TARBP1: variants seen among roughly 807,000 people sequenced by gnomAD.
TARBP1 encodes the protein tRNA guanosine 2 -O-methyltransferase TARBP1, also known as tRNA (guanosine(18)-2'-O)-methyltransferase TARBP1.
In TARBP1, 144 loss-of-function variants were observed where a neutral mutation model predicts 178.6. The observed-to-expected ratio is 0.81, with a 90% CI of 0.70 to 0.93. The LOEUF is 0.93. TARBP1 is among the 40% of genes least tolerant of loss of function. TARBP1 has a pLI of 0.00. For synonymous variants in TARBP1, 787 were observed against 781.0 expected (o/e 1.01, Z -0.13); for missense variants, 2,067 against 2,011.7 (o/e 1.03, Z -0.53).
chr1:234,406,356 T>G, intron 23 of TARBP1: 2 of 451,206 alleles, frequency 4.4e-6, no homozygotes, highest in East Asian at 7.3e-5. Flanking sequence ...CCGCCCCCCA[T>G]ACTCTAGTAC....
chr1:234,448,628 AG>A (rs910397599), intron 10 of TARBP1, 49 bp from the exon 11 acceptor site: 15 of 1,456,916 alleles, frequency 1.0e-5, no homozygotes, highest in Non-Finnish European at 1.4e-5. Context: ...AAATCCTTCA[AG>A]GATGATGCTT....
At chr1:234,467,027 C>T (rs1349553458) in intron 4 of TARBP1, among the ~76,000 whole-genome samples, 83 of 152,196 alleles carry the variant, frequency 5.5e-4, no homozygotes, top group Non-Finnish European at 5.9e-5. Context: ...CTCTGCCTCA[C>T]GTAGTTCCTG....
chr1:234,419,245 G>C (rs994300827), intron 21 of TARBP1, among the ~76,000 whole-genome samples: 1 of 151,978 alleles, frequency 6.6e-6, no homozygotes, highest in Non-Finnish European at 1.5e-5. Context: ...TTATTTTAAA[G>C]AAGAAAAATC....
At chr1:234,455,887 A>G (rs1315757380) in intron 9 of TARBP1, among the ~76,000 whole-genome samples, 1 of 152,228 alleles carries the variant, frequency 6.6e-6, no homozygotes, top group Non-Finnish European at 1.5e-5. Flanking sequence ...AAAATGGGGA[A>G]AGGACAATAA....
rs776538378 is a variant in TARBP1, at chr1:234,446,919, A to T, written c.2018T>A (p.Val673Glu). The change falls in exon 12 of 30, where the codon GTG becomes GAG. Residue 673 changes from valine (V) to glutamate (E), a missense_variant. By Grantham distance (121) the Val-to-Glu change is moderately radical. Coordinates refer to ENST00000040877, the MANE Select transcript of TARBP1 (RefSeq NM_005646.4). Reference sequence around the variant, plus strand: ...GGCATTGGTACTAAACTTCATAAGCACATCCAGAAGAGGGTCTAAGAATAT... The same window carrying T: ...GGCATTGGTACTAAACTTCATAAGCTCATCCAGAAGAGGGTCTAAGAATAT... ...LRIFLDPLLDVLMKFSTNAYM... is the reference protein window; with the variant it reads ...LRIFLDPLLDELMKFSTNAYM... 3 of 1,613,964 alleles carry T rather than the reference A, an allele frequency of 1.9e-6. No individual in the cohort carries two copies. The highest frequency in any genetic ancestry group is 2.7e-5 in the African/African-American group (2 of 75,016).
rs199534808 is a variant in TARBP1, at chr1:234,393,807, G to A, written c.4274C>T (p.Ala1425Val). The A allele has an allele frequency of 5.3e-5, 86 of 1,612,806 alleles. 1 individual carries two copies. The East Asian group carries it at 5.3e-4, about 10-fold the overall frequency. Residue 1425 changes from alanine to valine, a missense_variant, in exon 27 of 30, where the codon GCG (alanine) becomes GTG (valine). Coordinates refer to ENST00000040877, the MANE Select transcript of TARBP1 (RefSeq NM_005646.4). ...GTNLVEADNQAEWTDVQKKII... is the reference protein window; with the variant it reads ...GTNLVEADNQVEWTDVQKKII... ...CTTCTTCTGAACGTCGGTCCACTCC[G>A]CTTGGTTATCTGCTTCGACCAAATT...
chr1:234,471,046 G>A, intron 3 of TARBP1, 142 bp downstream of exon 3: 1 of 640,744 alleles, frequency 1.6e-6, no homozygotes, highest in Non-Finnish European at 2.7e-6. Context: ...TTATCTCTTG[G>A]TGGCAGCATT....
intron 20 of TARBP1, among the ~76,000 whole-genome samples, chr1:234,423,907 T>C (rs1415172958): frequency 1.3e-5 from 2 of 152,016 alleles, no homozygotes; most frequent in Non-Finnish European, 2.9e-5. Flanking sequence ...CTTATCTAAA[T>C]AGCTAAATAT....
chr1:234,475,542 G>A (rs769986122), intron 1 of TARBP1, among the ~76,000 whole-genome samples: 7 of 152,242 alleles, frequency 4.6e-5, no homozygotes, highest in East Asian at 1.9e-4. Context: ...AGACACTCAC[G>A]CAGAATGCAG....
Position 234,429,477 on chromosome 1 carries a change from G to A in TARBP1, c.2810C>T (p.Thr937Ile), listed in dbSNP as rs765057202. 9 of 1,614,182 alleles carry A rather than the reference G, an allele frequency of 5.6e-6. No homozygotes were observed. The highest frequency in any genetic ancestry group is 1.7e-5 in the Admixed American group (1 of 60,020). Residue 937 changes from threonine to isoleucine, a missense_variant, in exon 16 of 30, where the codon ACA (threonine) becomes ATA (isoleucine). Physicochemically the swap from Thr to Ile is moderately conservative, Grantham distance 89 (BLOSUM62 -1). Transcript: ENST00000040877. ...TAAAACTTGATCAGAAGAAAGAACT[G>A]TGAGGGCTTCTAGTGCAGACTGCAA... The part of the protein sequence containing the change: ...RTLQSALEAL[T>I]VLSSDQVLPV...
intron 19 of TARBP1, among the ~76,000 whole-genome samples, chr1:234,426,293 T>C (rs772434094): frequency 6.6e-6 from 1 of 152,224 alleles, no homozygotes; most frequent in Non-Finnish European, 1.5e-5. Flanking sequence ...TGTGGAAAGA[T>C]AAATTAAGTG....
Position 234,417,176 on chromosome 1 carries a change from A to G in TARBP1, c.3705+908T>C, listed in dbSNP as rs143365770. Among the ~76,000 whole-genome samples, 500 of 152,298 alleles carry G rather than the reference A, an allele frequency of 3.3e-3. 3 individuals carry two copies. The highest frequency in any genetic ancestry group is 4.4e-3 in the Non-Finnish European group (301 of 68,020). On this transcript the variant is annotated intron_variant, in intron 22 of 29. Coordinates refer to ENST00000040877, the MANE Select transcript of TARBP1 (RefSeq NM_005646.4). ...CTTGATGTATCACTGTTGAAAATGG[A>G]GTGGACCTCAGTGATTTGAGGAAGG...
intron 11 of TARBP1, among the ~76,000 whole-genome samples, chr1:234,447,585 G>C (rs567768928): frequency 6.6e-6 from 1 of 151,562 alleles, no homozygotes; most frequent in South Asian, 2.1e-4. Flanking sequence ...GTAGAGACAG[G>C]GTCTCGCTTA....
At chr1:234,418,971 G>A (rs1662752709) in intron 21 of TARBP1, among the ~76,000 whole-genome samples, 1 of 152,140 alleles carries the variant, frequency 6.6e-6, no homozygotes, top group South Asian at 2.1e-4. Flanking sequence ...AGAAGATCGA[G>A]ACCATCCTGG....
At chr1:234,444,369 T>C (rs1274300284) in intron 12 of TARBP1, among the ~76,000 whole-genome samples, 5 of 152,218 alleles carry the variant, frequency 3.3e-5, no homozygotes, top group Non-Finnish European at 5.9e-5. Flanking sequence ...AAGTAAACAT[T>C]ATACAGTTAT....
At chr1:234,404,310 C>G (rs1456693335) in intron 24 of TARBP1, among the ~76,000 whole-genome samples, 4 of 152,164 alleles carry the variant, frequency 2.6e-5, no homozygotes, top group Admixed American at 6.6e-5. Context: ...ACTATACCCT[C>G]TGTCCCCTGG....
At chr1:234,457,114 C>T (rs79627403) in intron 9 of TARBP1, among the ~76,000 whole-genome samples, 9,845 of 152,152 alleles carry the variant, frequency 0.065, 376 homozygotes, top group Middle Eastern at 0.2. Flanking sequence ...AGGCCAGGGA[C>T]GTGACATCAA....
At chr1:234,393,895 T>A in intron 26 of TARBP1, 58 bp from the exon 27 acceptor site, 1 of 1,255,448 alleles carries the variant, frequency 8.0e-7, no homozygotes, top group Non-Finnish European at 1.1e-6. Context: ...TCTATATATT[T>A]ATGTATACAT....
At position 234,420,338 on chromosome 1, in the gene TARBP1, C is replaced by A. The variant is rs113756963; in HGVS notation, c.3555+364G>T. Among the ~76,000 whole-genome samples the A allele has an allele frequency of 2.5e-3, 382 of 152,246 alleles. 3 individuals carry two copies. The highest frequency in any genetic ancestry group is 8.8e-3 in the African/African-American group (367 of 41,552). ...GCCTGGTTTCTACAGTACAGATAAT[C>A]CAAAACAGTGTAACACTCCAAAATA... On this transcript the variant is annotated intron_variant, in intron 21 of 29. Transcript: ENST00000040877.
Sources: gnomAD v4.1 joint callset for allele counts (sites outside exome capture counted in the v4.1 genomes callset) on GRCh38, gnomAD v4.1.1 for gene constraint, MANE v1.5 for transcripts, NCBI Gene and HGNC (gene_info 2026-07-23, HGNC 2026-07-21) for gene names.